The following KIF13A variants were observed in gnomAD, a reference collection of about 807,000 sequenced individuals.
KIF13A encodes kinesin-like protein KIF13A.
In KIF13A, 79 loss-of-function variants were observed where a neutral mutation model predicts 212.2. The ratio of observed to expected loss-of-function variants is 0.37; its 90% confidence interval spans 0.31 to 0.45. The LOEUF (loss-of-function observed/expected upper bound fraction) is 0.45. Ranked by LOEUF, KIF13A falls within the 20% of genes least tolerant of loss-of-function variation. The pLI is 1.00. For missense variants in KIF13A, 1,901 were observed against 2,209.0 expected (o/e 0.86, Z 2.79); for synonymous variants, 789 against 808.6 (o/e 0.98, Z 0.41).
chr6:17,842,000 C>CGTGT (rs56396263), intron 9 of KIF13A, among the ~76,000 whole-genome samples: 5,387 of 143,732 alleles, frequency 0.037, 229 homozygotes, highest in African/African-American at 0.1. Flanking sequence ...TATACACATA[C>CGTGT]GTGTGTGTGT....
Position 17,828,250 on chromosome 6 carries a change from C to T in KIF13A, c.1522G>A (p.Glu508Lys). The T allele has an allele frequency of 6.2e-7, 1 of 1,609,858 alleles. No homozygotes were observed. The highest frequency in any genetic ancestry group is 8.5e-7 in the Non-Finnish European group (1 of 1,177,994). Reference protein sequence around the residue: ...SDGDVTLTPKENARSCVNGTL... With the variant: ...SDGDVTLTPKKNARSCVNGTL... Reference sequence around the variant, plus strand: ...ATTTACTTTTCTTACCTTGCATTTTCTTTTGGAGTGAGAGTGACGTCTCCA... The same window carrying T: ...ATTTACTTTTCTTACCTTGCATTTTTTTTTGGAGTGAGAGTGACGTCTCCA... Residue 508 changes from glutamate (E) to lysine (K), a missense_variant, in exon 14 of 39, where the codon GAA becomes AAA. This residue lies in a region of KIF13A where 506 missense variants were observed against 637.4 expected (regional missense o/e 0.79). Transcript: ENST00000259711. The surrounding 1 kb of genome is among the most constrained non-coding windows in gnomAD (Gnocchi z 4.3).
At position 17,974,662 on chromosome 6, in the gene KIF13A, T is replaced by TA. The variant is rs34140477; in HGVS notation, c.146+12391dup. 1.5e-3 allele frequency among the ~76,000 whole-genome samples: 223 copies of TA among 151,778 alleles called. 2 individuals are homozygous for TA. The highest frequency in any genetic ancestry group is 9.2e-3 in the South Asian group (44 of 4,802). On this transcript the variant is annotated intron_variant, in intron 2 of 38. Coordinates refer to ENST00000259711, the MANE Select transcript of KIF13A (RefSeq NM_022113.6). ...AACTGGGACACCTGGGAAGCTTTTT[T>TA]AAAAAAAATCCTAGTGTCCAAGGTG... is the stretch of plus-strand genomic sequence containing the variant.
chr6:17,907,680 G>T (rs11756256), intron 2 of KIF13A, among the ~76,000 whole-genome samples: 1 of 152,152 alleles, frequency 6.6e-6, no homozygotes, highest in African/African-American at 2.4e-5. Flanking sequence ...CAAAAATGTA[G>T]ATGCAGATGT....
intron 9 of KIF13A, among the ~76,000 whole-genome samples, chr6:17,842,000 C>CGTGTGT (rs56396263): frequency 0.029 from 4,219 of 143,750 alleles, 76 homozygotes; most frequent in Non-Finnish European, 0.044. Context: ...TATACACATA[C>CGTGTGT]GTGTGTGTGT....
chr6:17,772,092 T>C lies in KIF13A; in HGVS notation c.4325-33A>G. ...AGATGAGAAGTTATGAGGTTACAGA[T>C]GCTGAACACTTTAAGCAAAACATAG... is the stretch of plus-strand genomic sequence containing the variant. On this transcript the variant is annotated intron_variant, in intron 36 of 38. Coordinates refer to ENST00000259711, the MANE Select transcript of KIF13A (RefSeq NM_022113.6). The surrounding 1 kb of genome is among the most constrained non-coding windows in gnomAD (Gnocchi z 4.8). The C allele has an allele frequency of 1.9e-6, 3 of 1,606,256 alleles. No individual in the cohort carries two copies. The highest frequency in any genetic ancestry group is 8.5e-7 in the Non-Finnish European group (1 of 1,174,156).
At chr6:17,818,706 G>A (rs1764167535) in intron 16 of KIF13A, among the ~76,000 whole-genome samples, 1 of 152,054 alleles carries the variant, frequency 6.6e-6, no homozygotes, top group Admixed American at 6.6e-5. Context: ...GAGGAAACGG[G>A]GGCTCAAAAA....
At chr6:17,782,884 G>A (rs1032441922) in intron 29 of KIF13A, among the ~76,000 whole-genome samples, 1 of 152,140 alleles carries the variant, frequency 6.6e-6, no homozygotes, top group Non-Finnish European at 1.5e-5. Context: ...TGGCCAACTA[G>A]TCTTTGTTTA....
intron 3 of KIF13A, among the ~76,000 whole-genome samples, chr6:17,887,361 G>A (rs1314623629): frequency 2.6e-5 from 4 of 152,102 alleles, no homozygotes; most frequent in Admixed American, 6.5e-5. Flanking sequence ...GTTGCATCAC[G>A]GAGCATAAGC....
intron 25 of KIF13A, among the ~76,000 whole-genome samples, chr6:17,792,675 C>T (rs1418392224): frequency 6.6e-6 from 1 of 152,164 alleles, no homozygotes; most frequent in African/African-American, 2.4e-5. Context: ...CCTGTCCTTG[C>T]ACCTACACTC....
In KIF13A at chr6:17,964,875, T is replaced by C. The variant is rs959051137; in HGVS notation, c.146+22179A>G. ...GTCTCGCTCTGTCGCCAGGCTGGAG[T>C]GTAGTGGTGTGATCTCGGCCCAATG... On this transcript the variant is annotated intron_variant, in intron 2 of 38. Coordinates refer to ENST00000259711, the MANE Select transcript of KIF13A (RefSeq NM_022113.6). 3.7e-4 allele frequency among the ~76,000 whole-genome samples: 57 copies of C among 152,128 alleles called. 2 individuals are homozygous for C. The highest frequency in any genetic ancestry group is 1.2e-3 in the African/African-American group (49 of 41,412).
At chr6:17,976,646 G>A (rs990668397) in intron 2 of KIF13A, among the ~76,000 whole-genome samples, 2 of 152,204 alleles carry the variant, frequency 1.3e-5, no homozygotes, top group Non-Finnish European at 2.9e-5. Context: ...CAGTGCAGCG[G>A]TGGGCTGAAG....
chr6:17,901,655 G>A (rs1435251662), intron 2 of KIF13A, among the ~76,000 whole-genome samples: 2 of 152,184 alleles, frequency 1.3e-5, no homozygotes, highest in Non-Finnish European at 2.9e-5. Context: ...TGCCCCTTCA[G>A]TGGAGTCCCA....
In KIF13A at chr6:17,781,264, G is replaced by C. The variant is rs562016703; in HGVS notation, c.3582C>G (p.Pro1194=). 1.2e-6 allele frequency: 2 copies of C among 1,613,236 alleles called. No individual in the cohort carries two copies. Among genetic ancestry groups the C allele is most frequent in the Middle Eastern group, 3.3e-4 (2 of 6,054 alleles). The change falls in exon 30 of 39, where the codon CCC becomes CCG. Residue 1194 remains proline, a synonymous_variant. Coordinates refer to ENST00000259711, the MANE Select transcript of KIF13A (RefSeq NM_022113.6). ...DLSANEQLVG[P]HASGVNSILP... ...GGATGGAGTTCACGCCGGATGCATGGGGGCCAACAAGCTGCTCATTGGCAC... is the reference window on the plus strand; with the variant it reads ...GGATGGAGTTCACGCCGGATGCATGCGGGCCAACAAGCTGCTCATTGGCAC...
At position 17,777,383 on chromosome 6, in the gene KIF13A, CT is replaced by C. The variant is rs11396690; in HGVS notation, c.4093-30del. 24,453 of 1,282,902 alleles carry C rather than the reference CT, an allele frequency of 0.019. No individual in the cohort carries two copies. The highest frequency in any genetic ancestry group is 0.025 in the East Asian group (888 of 35,834). 79.5% of individuals were successfully genotyped at this position (1,282,902 alleles called of 1,614,324 possible). ...TAAACATAATAATTTGAAAATAACA[CT>C]TTTTTTTTTTTTCCCCAGAGACAGA... On this transcript the variant is annotated intron_variant, in intron 33 of 38. Coordinates refer to ENST00000259711, the MANE Select transcript of KIF13A (RefSeq NM_022113.6). The surrounding 1 kb of genome is among the most constrained non-coding windows in gnomAD (Gnocchi z 4.4).
intron 26 of KIF13A, among the ~76,000 whole-genome samples, chr6:17,788,993 G>C (rs1237668970): frequency 6.6e-6 from 1 of 152,208 alleles, no homozygotes; most frequent in African/African-American, 2.4e-5. Context: ...AAAGTGCTGG[G>C]ATTACAGGCG....
chr6:17,823,504 G>C (rs1227968415), intron 16 of KIF13A, among the ~76,000 whole-genome samples: 1 of 139,016 alleles, frequency 7.2e-6, no homozygotes, highest in Non-Finnish European at 1.5e-5. Context: ...CTCTCGCTCT[G>C]TTGCTCAGGC....
intron 18 of KIF13A, 121 bp downstream of exon 18, chr6:17,808,647 T>G (rs756688649): frequency 2.5e-5 from 22 of 872,656 alleles, no homozygotes; most frequent in Admixed American, 3.3e-5. Flanking sequence ...TTGAAAAAAA[T>G]AAACATCTCT....
At chr6:17,815,296 AG>A (rs1163689592) in intron 17 of KIF13A, among the ~76,000 whole-genome samples, 2 of 16,360 alleles carry the variant, frequency 1.2e-4, no homozygotes, top group African/African-American at 3.1e-4. Flanking sequence ...ACAGCATCAC[AG>A]GGAGACAGGC....
chr6:17,773,966 C>G lies in KIF13A; in HGVS notation c.4219-383G>C, dbSNP rs1395341011. Among the ~76,000 whole-genome samples, 2 of 152,164 alleles carry G rather than the reference C, an allele frequency of 1.3e-5. No homozygotes were observed. The highest frequency in any genetic ancestry group is 2.9e-5 in the Non-Finnish European group (2 of 68,032). ...AAACACTCTCAAAGGACAACTGTTCCATTAGTAATTCTGCCTGGGTAGAAG... is the reference window on the plus strand; with the variant it reads ...AAACACTCTCAAAGGACAACTGTTCGATTAGTAATTCTGCCTGGGTAGAAG... On this transcript the variant is annotated intron_variant, in intron 35 of 38. Transcript: ENST00000259711. The surrounding 1 kb of genome is among the most constrained non-coding windows in gnomAD (Gnocchi z 4.2).
Sources: gnomAD v4.1 joint callset for allele counts (sites outside exome capture counted in the v4.1 genomes callset) on GRCh38, gnomAD v4.1.1 for gene constraint, gnomAD v4.1.1 regional missense constraint, Gnocchi (gnomAD v3.1) non-coding constraint, MANE v1.5 for transcripts, NCBI Gene and HGNC (gene_info 2026-07-23, HGNC 2026-07-21) for gene names.